Variants in MPP1 observed in about 807,000 individuals in gnomAD.
MPP1 encodes MAGUK p55 scaffold protein 1, also known as 55 kDa erythrocyte membrane protein.
In MPP1, 6 loss-of-function variants were observed where a neutral mutation model predicts 38.2. That is an observed-to-expected ratio of 0.16 (90% confidence interval 0.09 to 0.31). MPP1 has a LOEUF of 0.31. MPP1 is among the 10% of genes least tolerant of loss of function. The pLI is 1.00. For synonymous variants in MPP1, 153 were observed against 146.3 expected (o/e 1.05, Z -0.33); for missense variants, 293 against 368.9 (o/e 0.79, Z 1.69).
At chrX:154,797,019 G>A (rs7062649) in intron 1 of MPP1, among the ~76,000 whole-genome samples, 4,046 of 112,036 alleles carry the variant, frequency 0.036, 82 homozygotes, top group Non-Finnish European at 0.057. Flanking sequence ...CTGTACTCTA[G>A]CCTGGGCAAC....
intron 1 of MPP1, among the ~76,000 whole-genome samples, chrX:154,794,937 G>T (rs889815529): frequency 3.6e-5 from 4 of 111,402 alleles, no homozygotes; most frequent in Admixed American, 9.5e-5. Context: ...TCCTGCCTCT[G>T]TAAGAAATTT....
At chrX:154,801,791 A>AAAAAAAAAAAAAAAAAAAAAG (rs2072269472) in intron 1 of MPP1, among the ~76,000 whole-genome samples, 1 of 100,818 alleles carries the variant, frequency 9.9e-6, no homozygotes, top group African/African-American at 3.6e-5. Context: ...AAAAAACAAA[A>AAAAAAAAAAAAAAAAAAAAAG]AACAGAAAAA....
chrX:154,787,220 G>T (rs902880993), intron 5 of MPP1, among the ~76,000 whole-genome samples: 1 of 110,011 alleles, frequency 9.1e-6, no homozygotes, highest in Non-Finnish European at 1.9e-5. Flanking sequence ...TACGAAAACA[G>T]ATTATAGAAA....
In MPP1 at chrX:154,792,294, C is replaced by A; in HGVS notation, c.103-9G>T. 8.4e-7 allele frequency: 1 copy of A among 1,197,203 alleles called. No homozygotes were observed. The highest frequency in any genetic ancestry group is 1.1e-6 in the Non-Finnish European group (1 of 884,861). On this transcript the variant is annotated splice_polypyrimidine_tract_variant and intron_variant, in intron 1 of 11. Transcript: ENST00000369534. Reference sequence around the variant, plus strand: ...AATGGATGCGATACAGCCTGCCAAGCCAAAACAACAAAGCAACGTATGAAA... The same window carrying A: ...AATGGATGCGATACAGCCTGCCAAGACAAAACAACAAAGCAACGTATGAAA...
intron 6 of MPP1, 113 bp downstream of exon 6, chrX:154,786,091 T>A: frequency 1.3e-5 from 9 of 688,566 alleles, no homozygotes; most frequent in South Asian, 2.8e-5. Flanking sequence ...CCAGGAAATC[T>A]AGGAGGTCTC....
intron 11 of MPP1, among the ~76,000 whole-genome samples, chrX:154,780,286 G>A (rs907538222): frequency 2.7e-5 from 3 of 112,294 alleles, no homozygotes; most frequent in Non-Finnish European, 5.6e-5. Context: ...ATGCCAAATT[G>A]GAAAAAAATT....
Position 154,789,959 on chromosome X carries a change from G to A in MPP1, c.475C>T (p.Leu159=). The change falls in exon 5 of 12, where the codon CTA becomes TTA. Residue 159 remains leucine (L), a synonymous_variant. Coordinates refer to ENST00000369534, the MANE Select transcript of MPP1 (RefSeq NM_002436.4). ...GAGAAAATGGTGCCACCCACCTGTA[G>A]TGCAGGAAGACGGCTTTGCTGGTTG... The part of the protein sequence containing the change: ...IPNQQSRLPA[L]QMFMRAQFDY... The A allele has an allele frequency of 8.3e-7, 1 of 1,198,639 alleles. No individual in the cohort carries two copies. Among genetic ancestry groups the A allele is most frequent in the South Asian group, 1.8e-5 (1 of 56,178 alleles).
intron 1 of MPP1, among the ~76,000 whole-genome samples, chrX:154,801,817 G>A (rs1474371990): frequency 1.0e-5 from 1 of 99,472 alleles, no homozygotes; most frequent in Non-Finnish European, 2.0e-5. Flanking sequence ...TGAAGTTCCT[G>A]GAAGTGAAGG....
At chrX:154,805,185 C>T in intron 1 of MPP1, 87 bp downstream of exon 1, 1 of 950,074 alleles carries the variant, frequency 1.1e-6, no homozygotes, top group South Asian at 2.2e-5. Context: ...ACAGGCCCCC[C>T]GGGGACAGGG....
intron 5 of MPP1, 40 bp from the exon 6 acceptor site, chrX:154,786,440 A>G: frequency 8.8e-7 from 1 of 1,132,690 alleles, no homozygotes; most frequent in South Asian, 1.9e-5. Context: ...GGCAGCTTCA[A>G]AAGAAACACC....
At chrX:154,791,985 G>T in intron 2 of MPP1, 138 bp from the exon 3 acceptor site, 1 of 984,843 alleles carries the variant, frequency 1.0e-6, no homozygotes, top group Non-Finnish European at 1.4e-6. Context: ...CAGGCATGAA[G>T]CCTGCTTTGA....
rs2071990254 is a variant in MPP1 at position 154,781,230 on chromosome X, TCTC to T, written c.1224+6_1224+8del. On this transcript the variant is annotated splice_donor_region_variant and intron_variant, in intron 11 of 11. Transcript: ENST00000369534. ...AGTGAACTACCCATCGCGCACAACC[TCTC>T]CTCACCTGAGTGCCCTGGTCAGTAG... 1 of 1,197,294 alleles carries T rather than the reference TCTC, an allele frequency of 8.4e-7. No homozygotes were observed. The highest frequency in any genetic ancestry group is 1.1e-6 in the Non-Finnish European group (1 of 887,570).
chrX:154,797,547 G>A (rs1299592532), intron 1 of MPP1, among the ~76,000 whole-genome samples: 1 of 111,700 alleles, frequency 9.0e-6, no homozygotes, highest in Non-Finnish European at 1.9e-5. Context: ...AGATGCAAAA[G>A]CAACTCAATG....
intron 1 of MPP1, among the ~76,000 whole-genome samples, chrX:154,796,842 G>A (rs1367452001): frequency 9.0e-6 from 1 of 111,506 alleles, no homozygotes; most frequent in Non-Finnish European, 1.9e-5. Flanking sequence ...GAGTCAAGAA[G>A]TAGGATCTGC....
chrX:154,801,579 C>T (rs868928408), intron 1 of MPP1, among the ~76,000 whole-genome samples: 6 of 108,156 alleles, frequency 5.5e-5, no homozygotes, highest in South Asian at 8.1e-4. Context: ...GCCAACATGG[C>T]GAAAACCTGT....
At chrX:154,791,412 TTTG>T (rs782002270) in intron 3 of MPP1, among the ~76,000 whole-genome samples, 1 of 112,456 alleles carries the variant, frequency 8.9e-6, no homozygotes, top group Non-Finnish European at 1.9e-5. Context: ...TCCATGTTTC[TTTG>T]TTGTTTAGCT....
At chrX:154,784,232 G>T in intron 7 of MPP1, 124 bp from the exon 8 acceptor site, 1 of 539,612 alleles carries the variant, frequency 1.9e-6, no homozygotes, top group Non-Finnish European at 3.2e-6. Context: ...CTAGAGATGA[G>T]ACGAGGGAGG....
At chrX:154,784,541 C>T (rs1444555607) in intron 7 of MPP1, among the ~76,000 whole-genome samples, 1 of 111,048 alleles carries the variant, frequency 9.0e-6, no homozygotes, top group South Asian at 3.9e-4. Context: ...CCTGACTCTC[C>T]ACCCCCTTAC....
rs200723584 is a variant in MPP1, at chrX:154,791,863, C to T, written c.247-16G>A. The stretch of plus-strand genomic sequence containing the variant: ...GCGTGATTCCCTGAAATAAAGGCGA[C>T]GGCACAATAAGCTTTATTTTAAGCT... On this transcript the variant is annotated splice_polypyrimidine_tract_variant and intron_variant, in intron 2 of 11. Coordinates refer to ENST00000369534, the MANE Select transcript of MPP1 (RefSeq NM_002436.4). 6.1e-4 allele frequency: 721 copies of T among 1,175,414 alleles called. 6 individuals are homozygous for T. The East Asian group carries it at 0.017, about 28-fold the overall frequency.
Sources: allele counts gnomAD v4.1 joint callset (sites outside exome capture counted in the v4.1 genomes callset), GRCh38; gene constraint gnomAD v4.1.1; transcripts MANE v1.5; gene names NCBI Gene and HGNC (gene_info 2026-07-23, HGNC 2026-07-21).